TENM4: variants seen among roughly 807,000 people sequenced by gnomAD.
TENM4 encodes teneurin transmembrane protein 4, also known as teneurin-4.
In TENM4, 82 loss-of-function variants were observed where a neutral mutation model predicts 243.3. The observed-to-expected ratio is 0.34, with a 90% confidence interval of 0.28 to 0.40. The LOEUF is 0.40. Among genes scored for constraint, TENM4 ranks in the 10% least tolerant of loss-of-function variants. TENM4 has a pLI of 1.00. For missense variants in TENM4, 3,138 were observed against 3,673.3 expected (o/e 0.85, Z 3.77); for synonymous variants, 1,412 against 1,456.3 (o/e 0.97, Z 0.69).
chr11:79,094,490 A>T (rs2137060376), intron 4 of TENM4, among the ~76,000 whole-genome samples: 1 of 152,178 alleles, frequency 6.6e-6, no homozygotes, highest in East Asian at 1.9e-4. Flanking sequence ...CTTTTCCAGG[A>T]TGTCAGGTTT....
At chr11:78,948,927 C>T (rs758561493) in intron 6 of TENM4, among the ~76,000 whole-genome samples, 1 of 152,104 alleles carries the variant, frequency 6.6e-6, no homozygotes, top group Non-Finnish European at 1.5e-5. Flanking sequence ...GCAAGTGTAC[C>T]TCATGTGTGA....
At chr11:79,346,894 C>T (rs1025490447) in intron 1 of TENM4, among the ~76,000 whole-genome samples, 3 of 152,078 alleles carry the variant, frequency 2.0e-5, no homozygotes, top group Non-Finnish European at 2.9e-5. Flanking sequence ...GTAAAAGATC[C>T]CTGTGATCTC....
intron 3 of TENM4, among the ~76,000 whole-genome samples, chr11:79,179,271 G>A (rs933963644): frequency 1.3e-4 from 20 of 152,268 alleles, no homozygotes; most frequent in African/African-American, 4.6e-4. Context: ...ACTCTCTTAG[G>A]TCAGAAGTCT....
chr11:78,908,894 G>A (rs1351169334), intron 6 of TENM4, among the ~76,000 whole-genome samples: 5 of 152,200 alleles, frequency 3.3e-5, no homozygotes, highest in Non-Finnish European at 7.3e-5. Context: ...GGGACTTGAT[G>A]GATTAAAAGA....
At chr11:79,399,878 T>G (rs576288442) in intron 1 of TENM4, among the ~76,000 whole-genome samples, 175 of 152,234 alleles carry the variant, frequency 1.1e-3, no homozygotes, top group African/African-American at 4.1e-3. Context: ...AGTGGAATCA[T>G]GTATATAAAG....
chr11:78,702,078 C>G lies in TENM4; in HGVS notation c.4535G>C (p.Gly1512Ala). Reference protein sequence around the residue: ...EISLVAGAPSGCDCKNDANCD... With the variant: ...EISLVAGAPSACDCKNDANCD... ...GTTGGCATCATTTTTACAGTCACAG[C>G]CACTGGGGGCCCCAGCAACGAGTGA... Residue 1512 changes from glycine (G) to alanine (A), a missense_variant, in exon 28 of 34, where the codon GGC (glycine) becomes GCC (alanine). Gly to Ala is a moderately conservative substitution (Grantham distance 60). Coordinates refer to ENST00000278550, the MANE Select transcript of TENM4 (RefSeq NM_001098816.3). The G allele has an allele frequency of 1.2e-6, 2 of 1,613,858 alleles. No individual in the cohort carries two copies. The highest frequency in any genetic ancestry group is 1.7e-6 in the Non-Finnish European group (2 of 1,179,814).
At chr11:79,139,787 ATAT>A (rs1420379344) in intron 4 of TENM4, among the ~76,000 whole-genome samples, 31 of 92,346 alleles carry the variant, frequency 3.4e-4, no homozygotes, top group East Asian at 1.2e-3. Context: ...AATATATATT[ATAT>A]TTATATAAAT....
chr11:79,265,611 C>T lies in TENM4; in HGVS notation c.-265+31877G>A, dbSNP rs555870484. Among the ~76,000 whole-genome samples the T allele has an allele frequency of 1.1e-4, 16 of 152,174 alleles. No individual in the cohort carries two copies. The South Asian group carries it at 1.5e-3, about 14-fold the overall frequency. ...AATATTATATTTCCATTGGAGTGTG[C>T]GGCTCTGAGCCATTTTGCTTTCATC... On this transcript the variant is annotated intron_variant, in intron 2 of 33. Transcript: ENST00000278550.
intron 3 of TENM4, among the ~76,000 whole-genome samples, chr11:79,182,508 G>C (rs1863303537): frequency 1.3e-5 from 2 of 152,082 alleles, no homozygotes; most frequent in South Asian, 4.1e-4. Flanking sequence ...GGTGATCTTG[G>C]ATACGGTGAT....
intron 12 of TENM4, among the ~76,000 whole-genome samples, chr11:78,814,825 T>A (rs1449514772): frequency 6.6e-6 from 1 of 152,238 alleles, no homozygotes; most frequent in Non-Finnish European, 1.5e-5. Flanking sequence ...GATATAAAGC[T>A]ACTGAGCATT....
intron 7 of TENM4, among the ~76,000 whole-genome samples, chr11:78,901,522 C>A (rs1855928871): frequency 6.6e-6 from 1 of 152,142 alleles, no homozygotes; most frequent in Non-Finnish European, 1.5e-5. Flanking sequence ...CATCCTCTAT[C>A]TTCCTTTCCT....
chr11:79,296,552 G>A (rs947121004), intron 2 of TENM4, among the ~76,000 whole-genome samples: 3 of 152,230 alleles, frequency 2.0e-5, no homozygotes, highest in African/African-American at 7.2e-5. Flanking sequence ...CCACCAGAGT[G>A]CTGCTAATCT....
intron 6 of TENM4, 39 bp from the exon 7 acceptor site, chr11:78,903,562 G>C: frequency 6.5e-7 from 1 of 1,540,652 alleles, no homozygotes; most frequent in Non-Finnish European, 8.7e-7. Context: ...GGTGAGCTTG[G>C]TGCTGCCCCT....
At chr11:79,344,799 A>C (rs1857300324) in intron 1 of TENM4, among the ~76,000 whole-genome samples, 1 of 152,246 alleles carries the variant, frequency 6.6e-6, no homozygotes, top group South Asian at 2.1e-4. Context: ...TAAATTGCCA[A>C]GACAAATATT....
chr11:78,805,902 G>C (rs1371380887), intron 14 of TENM4, among the ~76,000 whole-genome samples: 1 of 152,192 alleles, frequency 6.6e-6, no homozygotes, highest in African/African-American at 2.4e-5. Context: ...GACTAAAATA[G>C]ATTCCTTCAT....
chr11:78,708,267 T>C lies in TENM4; in HGVS notation c.4209+94A>G, dbSNP rs114130442. 1,447 of 1,533,698 alleles carry C rather than the reference T, an allele frequency of 9.4e-4. 14 individuals are homozygous for C. The African/African-American group carries it at 0.018, about 19-fold the overall frequency. On this transcript the variant is annotated intron_variant, in intron 27 of 33. Transcript: ENST00000278550. ...CAAGTAGGTGCTCTTTAAAGGCTTA[T>C]CAGTGCAAAGATGAATGGCCAGCAG...
chr11:79,034,878 T>C (rs1859336399), intron 6 of TENM4, among the ~76,000 whole-genome samples: 1 of 152,150 alleles, frequency 6.6e-6, no homozygotes, highest in South Asian at 2.1e-4. Context: ...TTCATAGAAC[T>C]TTCAGAACCT....
At chr11:78,823,997 G>A (rs1857794412) in intron 12 of TENM4, among the ~76,000 whole-genome samples, 1 of 152,176 alleles carries the variant, frequency 6.6e-6, no homozygotes, top group Admixed American at 6.5e-5. Context: ...ATGAGAACAT[G>A]AAGGCACAGA....
At chr11:78,970,356 T>A (rs1420672038) in intron 6 of TENM4, among the ~76,000 whole-genome samples, 1 of 152,150 alleles carries the variant, frequency 6.6e-6, no homozygotes, top group Non-Finnish European at 1.5e-5. Context: ...TTGAAAGCAT[T>A]TCAAAGAGCT....
Sources: gnomAD v4.1 joint callset for allele counts (sites outside exome capture counted in the v4.1 genomes callset) on GRCh38, gnomAD v4.1.1 for gene constraint, MANE v1.5 for transcripts, NCBI Gene and HGNC (gene_info 2026-07-23, HGNC 2026-07-21) for gene names.